RBFOX1: variants seen among roughly 807,000 people sequenced by gnomAD.
RBFOX1 encodes RNA binding fox-1 homolog 1, also known as RNA binding protein fox-1 homolog 1.
A neutral mutation model predicts 57.7 loss-of-function variants in RBFOX1; 8 were observed. That is an observed-to-expected ratio of 0.14 (90% CI 0.08 to 0.25). The LOEUF (loss-of-function observed/expected upper bound fraction) is 0.25. Among genes scored for constraint, RBFOX1 ranks in the 10% least tolerant of loss-of-function variants. The probability of loss-of-function intolerance (pLI) is 1.00; values close to 1 mark genes in which losing one functional copy is unlikely to be tolerated. For missense variants in RBFOX1, 611 were observed against 548.5 expected (o/e 1.11, Z -1.14); for synonymous variants, 326 against 222.4 (o/e 1.47, Z -4.15).
chr16:7,424,811 C>G lies in RBFOX1; in HGVS notation c.28-93336C>G, dbSNP rs1040004678. The stretch of plus-strand genomic sequence containing the variant: ...CTGAAACAATCACATAATCACCTTT[C>G]TAGTTATTTTTTCTTCAGGTTCTGG... On this transcript the variant is annotated intron_variant, in intron 4 of 15. Transcript: ENST00000550418. 2.0e-5 allele frequency among the ~76,000 whole-genome samples: 3 copies of G among 152,250 alleles called. No individual in the cohort carries two copies. The East Asian group carries it at 5.8e-4, about 29-fold the overall frequency.
At chr16:7,634,408 A>C (rs1321628305) in intron 11 of RBFOX1, among the ~76,000 whole-genome samples, 1 of 146,900 alleles carries the variant, frequency 6.8e-6, no homozygotes, top group Admixed American at 6.8e-5. Flanking sequence ...TTCGAGACTT[A>C]AATTGTACCT....
intron 3 of RBFOX1, among the ~76,000 whole-genome samples, chr16:6,837,504 C>G (rs568805248): frequency 2.0e-5 from 3 of 152,252 alleles, no homozygotes; most frequent in East Asian, 1.9e-4. Context: ...ATAACCATGT[C>G]CTATGCAGTA....
rs929154203 is a variant in RBFOX1 at position 6,029,221 on chromosome 16, G to T, written c.-127+9229G>T. ...TTTCCTAGTGAATTTCATTCATTTT[G>T]CTCAGGAAACTTTATTGGTTTTGTC... On this transcript the variant is annotated intron_variant, in intron 1 of 15. Transcript: ENST00000550418. 2.6e-4 allele frequency among the ~76,000 whole-genome samples: 40 copies of T among 152,072 alleles called. 1 individual carries two copies. Among genetic ancestry groups the T allele is most frequent in the Non-Finnish European group, 8.8e-5 (6 of 68,002 alleles).
chr16:6,117,844 T>G (rs2096513590), intron 1 of RBFOX1, among the ~76,000 whole-genome samples: 1 of 152,266 alleles, frequency 6.6e-6, no homozygotes, highest in East Asian at 1.9e-4. Context: ...AGATTTTTTA[T>G]GTATTCTACT....
In RBFOX1 at chr16:5,785,964, G is replaced by C. The variant is rs574530776; in HGVS notation, c.319-81339G>C. On this transcript the variant is annotated intron_variant, in intron 3 of 19. Coordinates refer to the RBFOX1 transcript ENST00000641259. ...CCCCATTTCCATTCCCTACCTTCAT[G>C]CTCACCTCCTTACCTCCTTCTCTTG... 9.6e-4 allele frequency among the ~76,000 whole-genome samples: 146 copies of C among 152,144 alleles called. 1 individual carries two copies. The highest frequency in any genetic ancestry group is 3.4e-3 in the African/African-American group (140 of 41,510).
chr16:5,543,476 T>A (rs1291295896), intron 2 of RBFOX1, among the ~76,000 whole-genome samples: 4 of 152,024 alleles, frequency 2.6e-5, no homozygotes, highest in Non-Finnish European at 5.9e-5. Flanking sequence ...CAACAGAAAC[T>A]GTCCAAAATT....
intron 1 of RBFOX1, among the ~76,000 whole-genome samples, chr16:6,215,352 G>A (rs1338724549): frequency 6.9e-6 from 1 of 145,184 alleles, no homozygotes; most frequent in Non-Finnish European, 1.5e-5. Flanking sequence ...GAAAGGGAGA[G>A]GGACAGGGAG....
chr16:5,887,362 A>G lies in RBFOX1; in HGVS notation c.351+20027A>G, dbSNP rs7203125. ...CCCAAAGACCATAGTACTGCCTTCA[A>G]TGGATTTCCTTCTACCTTGTATTTC... On this transcript the variant is annotated intron_variant, in intron 4 of 19. Coordinates refer to the RBFOX1 transcript ENST00000641259. Among the ~76,000 whole-genome samples, 1,100 of 152,266 alleles carry G rather than the reference A, an allele frequency of 7.2e-3. 12 individuals carry two copies. The highest frequency in any genetic ancestry group is 0.025 in the African/African-American group (1,044 of 41,560).
At chr16:5,535,407 G>A (rs1420998240) in intron 2 of RBFOX1, among the ~76,000 whole-genome samples, 1 of 152,194 alleles carries the variant, frequency 6.6e-6, no homozygotes. Context: ...TTCTAAAAAT[G>A]TAGTAGTGGG....
At chr16:5,804,539 T>C (rs921719603) in intron 3 of RBFOX1, among the ~76,000 whole-genome samples, 7 of 152,100 alleles carry the variant, frequency 4.6e-5, no homozygotes, top group Non-Finnish European at 1.0e-4. Context: ...AAACGTTGAG[T>C]GCTGTGAATT....
intron 4 of RBFOX1, among the ~76,000 whole-genome samples, chr16:7,102,109 A>T (rs1326470085): frequency 6.6e-6 from 1 of 151,994 alleles, no homozygotes; most frequent in Non-Finnish European, 1.5e-5. Flanking sequence ...TACAGGCAGA[A>T]ATGGTCCTGC....
intron 4 of RBFOX1, among the ~76,000 whole-genome samples, chr16:6,005,313 A>T (rs1257996980): frequency 1.3e-5 from 2 of 152,224 alleles, no homozygotes; most frequent in African/African-American, 4.8e-5. Context: ...ATAATGTTTC[A>T]TAAGCCCATC....
intron 3 of RBFOX1, among the ~76,000 whole-genome samples, chr16:5,792,987 G>A (rs888054103): frequency 2.0e-5 from 3 of 152,218 alleles, no homozygotes; most frequent in African/African-American, 7.2e-5. Context: ...TGCTGTCTCT[G>A]GAGTGGAGGA....
At chr16:5,943,633 G>C (rs779239045) in intron 4 of RBFOX1, among the ~76,000 whole-genome samples, 2 of 152,140 alleles carry the variant, frequency 1.3e-5, no homozygotes, top group Non-Finnish European at 2.9e-5. Flanking sequence ...CATCTTGATT[G>C]ATTTATCTGT....
chr16:6,052,633 A>T (rs75233833), intron 1 of RBFOX1, among the ~76,000 whole-genome samples: 20,495 of 151,488 alleles, frequency 0.14, 1,617 homozygotes, highest in East Asian at 0.31. Context: ...AAATACAAAA[A>T]ATTAGACTGG....
intron 11 of RBFOX1, among the ~76,000 whole-genome samples, chr16:7,639,675 G>A (rs959824757): frequency 6.6e-6 from 1 of 152,140 alleles, no homozygotes; most frequent in Non-Finnish European, 1.5e-5. Context: ...CACCCAACAG[G>A]AGACTTATTC....
intron 2 of RBFOX1, among the ~76,000 whole-genome samples, chr16:6,590,215 A>G (rs2097691098): frequency 6.6e-6 from 1 of 152,170 alleles, no homozygotes; most frequent in Admixed American, 6.5e-5. Flanking sequence ...TTCAAGAGCT[A>G]TTACTTTTCT....
chr16:7,370,809 G>A (rs1224025198), intron 4 of RBFOX1, among the ~76,000 whole-genome samples: 1 of 152,184 alleles, frequency 6.6e-6, no homozygotes, highest in African/African-American at 2.4e-5. Context: ...CTAATTGCAG[G>A]ACTGTTGTCC....
chr16:6,151,820 G>A (rs2096799782), intron 1 of RBFOX1, among the ~76,000 whole-genome samples: 1 of 152,160 alleles, frequency 6.6e-6, no homozygotes, highest in African/African-American at 2.4e-5. Flanking sequence ...TAGTAAGGGG[G>A]AGAACTAACA....
Sources: allele counts gnomAD v4.1 joint callset (sites outside exome capture counted in the v4.1 genomes callset), GRCh38; gene constraint gnomAD v4.1.1; transcripts MANE v1.5; gene names NCBI Gene and HGNC (gene_info 2026-07-23, HGNC 2026-07-21).